MBD5: variants seen among roughly 807,000 people sequenced by gnomAD.
MBD5 encodes methyl-CpG binding domain protein 5.
A neutral mutation model predicts 117.3 loss-of-function variants in MBD5; 13 were observed. That is an observed-to-expected ratio of 0.11 (90% CI 0.07 to 0.18). The LOEUF (loss-of-function observed/expected upper bound fraction) is 0.18, where lower values mean the gene tolerates loss of function less well. Ranked by LOEUF, MBD5 falls within the 10% of genes least tolerant of loss-of-function variation. The pLI is 1.00. For missense variants in MBD5, 1,879 were observed against 2,093.8 expected (o/e 0.90, Z 2.00); for synonymous variants, 727 against 766.4 (o/e 0.95, Z 0.85).
intron 3 of MBD5, among the ~76,000 whole-genome samples, chr2:148,337,079 T>A (rs892686340): frequency 6.6e-6 from 1 of 152,200 alleles, no homozygotes; most frequent in Non-Finnish European, 1.5e-5. Flanking sequence ...GATTCAAAAA[T>A]GTCTTCAGAC....
chr2:148,108,770 G>C (rs1275284846), intron 1 of MBD5, among the ~76,000 whole-genome samples: 1 of 152,020 alleles, frequency 6.6e-6, no homozygotes, highest in Non-Finnish European at 1.5e-5. Context: ...CATGTTACAG[G>C]ACATAGAAGT....
intron 1 of MBD5, among the ~76,000 whole-genome samples, chr2:148,128,529 A>G (rs773023288): frequency 1.5e-4 from 23 of 152,120 alleles, no homozygotes; most frequent in African/African-American, 2.2e-4. Context: ...CCACATTTCT[A>G]TGTCATGGAC....
At chr2:148,351,796 C>T (rs1348503653) in intron 4 of MBD5, among the ~76,000 whole-genome samples, 2 of 152,020 alleles carry the variant, frequency 1.3e-5, no homozygotes, top group Non-Finnish European at 2.9e-5. Context: ...CAAGGTTCTG[C>T]TATGTAAGAA....
intron 2 of MBD5, among the ~76,000 whole-genome samples, chr2:148,200,608 G>A (rs1383325642): frequency 6.6e-6 from 1 of 151,772 alleles, no homozygotes; most frequent in Non-Finnish European, 1.5e-5. Context: ...CGGGAGAATG[G>A]CGTGAGCCTA....
At chr2:148,416,278 G>A (rs994483940) in intron 4 of MBD5, among the ~76,000 whole-genome samples, 2 of 152,198 alleles carry the variant, frequency 1.3e-5, no homozygotes, top group African/African-American at 4.8e-5. Context: ...TAAGGGGCTG[G>A]TACTGGGCCC....
intron 1 of MBD5, among the ~76,000 whole-genome samples, chr2:148,053,271 C>T (rs1276331202): frequency 6.6e-6 from 1 of 152,008 alleles, no homozygotes; most frequent in Non-Finnish European, 1.5e-5. Flanking sequence ...TTATATGATG[C>T]ACTTTTCTTT....
chr2:148,110,591 C>T, intron 1 of MBD5, among the ~76,000 whole-genome samples: 1 of 151,520 alleles, frequency 6.6e-6, no homozygotes, highest in South Asian at 2.1e-4. Flanking sequence ...TATTTTCATC[C>T]TTTGGCCTGG....
At chr2:148,456,314 G>T (rs2105518825) in intron 4 of MBD5, among the ~76,000 whole-genome samples, 1 of 152,268 alleles carries the variant, frequency 6.6e-6, no homozygotes, top group South Asian at 2.1e-4. Flanking sequence ...AAACTCACAT[G>T]TTGGAAGAGA....
chr2:148,050,239 A>G (rs925111337), intron 1 of MBD5, among the ~76,000 whole-genome samples: 2 of 152,058 alleles, frequency 1.3e-5, no homozygotes, highest in Non-Finnish European at 2.9e-5. Context: ...TGAGGTTGAA[A>G]TTTTATCTCA....
chr2:148,270,393 AT>A (rs11439214), intron 3 of MBD5, among the ~76,000 whole-genome samples: 490 of 141,708 alleles, frequency 3.5e-3, no homozygotes, highest in African/African-American at 7.5e-3. Flanking sequence ...CTTCCTTTCT[AT>A]TTTTTTTTTT....
At chr2:148,436,496 G>A (rs1161667821) in intron 4 of MBD5, among the ~76,000 whole-genome samples, 1 of 151,518 alleles carries the variant, frequency 6.6e-6, no homozygotes, top group Non-Finnish European at 1.5e-5. Flanking sequence ...CCTCAGCCTC[G>A]CAAGTAGCTG....
intron 3 of MBD5, among the ~76,000 whole-genome samples, chr2:148,249,376 C>T (rs1700413439): frequency 6.6e-6 from 1 of 152,070 alleles, no homozygotes; most frequent in African/African-American, 2.4e-5. Flanking sequence ...GGGCAAAATC[C>T]ACTGCCATGA....
At chr2:148,511,899 T>C (rs907065113) in intron 13 of MBD5, among the ~76,000 whole-genome samples, 1 of 152,240 alleles carries the variant, frequency 6.6e-6, no homozygotes, top group Non-Finnish European at 1.5e-5. Flanking sequence ...AAACATTATT[T>C]TTAAGCATGT....
chr2:148,317,000 A>G (rs1018435991), intron 3 of MBD5, among the ~76,000 whole-genome samples: 3 of 152,194 alleles, frequency 2.0e-5, no homozygotes, highest in Non-Finnish European at 4.4e-5. Flanking sequence ...GGTACTTGAA[A>G]GCATAGACAA....
intron 1 of MBD5, among the ~76,000 whole-genome samples, chr2:148,130,293 C>G (rs1240981319): frequency 6.6e-6 from 1 of 152,164 alleles, no homozygotes; most frequent in Non-Finnish European, 1.5e-5. Context: ...ATTAGAACTA[C>G]TGTACTTCTC....
chr2:148,182,601 G>A (rs1442727298), intron 2 of MBD5, among the ~76,000 whole-genome samples: 4 of 152,186 alleles, frequency 2.6e-5, no homozygotes, highest in Admixed American at 6.5e-5. Context: ...TTCTTTTAAT[G>A]TGTGCTAACT....
At chr2:148,509,182 G>C (rs541151721) in intron 12 of MBD5, among the ~76,000 whole-genome samples, 1 of 152,236 alleles carries the variant, frequency 6.6e-6, no homozygotes, top group East Asian at 1.9e-4. Context: ...CAGGGTAAAT[G>C]AAAAGAATCA....
At chr2:148,107,399 CTGTT>C (rs1316384393) in intron 1 of MBD5, among the ~76,000 whole-genome samples, 1 of 151,752 alleles carries the variant, frequency 6.6e-6, no homozygotes, top group African/African-American at 2.4e-5. Flanking sequence ...GGTTTCTTGA[CTGTT>C]TGAATTGAGT....
chr2:148,432,799 G>A (rs1349335382), intron 4 of MBD5, among the ~76,000 whole-genome samples: 1 of 152,120 alleles, frequency 6.6e-6, no homozygotes, highest in Non-Finnish European at 1.5e-5. Context: ...GTTGGATAAT[G>A]TGATGCTTTC....
Sources: allele counts gnomAD v4.1 joint callset (sites outside exome capture counted in the v4.1 genomes callset), GRCh38; gene constraint gnomAD v4.1.1; transcripts MANE v1.5; gene names NCBI Gene and HGNC (gene_info 2026-07-23, HGNC 2026-07-21).